AQP9: variants seen among roughly 807,000 people sequenced by gnomAD.
The protein encoded by AQP9 is aquaporin 9, also known as aquaporin-9.
A neutral mutation model predicts 23.8 loss-of-function variants in AQP9; 19 were observed. The observed-to-expected ratio is 0.80, with a 90% CI of 0.56 to 1.17. AQP9 has a LOEUF of 1.17. AQP9 is among the 50% of genes most tolerant of loss of function. AQP9 has a pLI of 0.00. For missense variants in AQP9, 413 were observed against 362.0 expected (o/e 1.14, Z -1.14); for synonymous variants, 153 against 131.5 (o/e 1.16, Z -1.12).
At chr15:58,140,116 G>A (rs565683174) in intron 1 of AQP9, among the ~76,000 whole-genome samples, 1 of 151,942 alleles carries the variant, frequency 6.6e-6, no homozygotes, top group South Asian at 2.1e-4. Flanking sequence ...TCACAGTGAC[G>A]AGTGAGTCAG....
chr15:58,160,317 C>A (rs1416783336), intron 1 of AQP9, among the ~76,000 whole-genome samples: 1 of 151,722 alleles, frequency 6.6e-6, no homozygotes, highest in Non-Finnish European at 1.5e-5. Context: ...CTACTCAGAT[C>A]TTTTGCCCGC....
Position 58,163,564 on chromosome 15 carries a change from A to G in AQP9, c.112-3109A>G, listed in dbSNP as rs535187976. Among the ~76,000 whole-genome samples the G allele has an allele frequency of 1.6e-4, 25 of 152,078 alleles. 1 individual carries two copies. Among genetic ancestry groups the G allele is most frequent in the African/African-American group, 6.0e-4 (25 of 41,570 alleles). ...AGTACAAACGCTACAGTTGAACTTC[A>G]GGGGAGAAATATTAGGTTTGTTGAG... On this transcript the variant is annotated intron_variant, in intron 1 of 5. Transcript: ENST00000219919.
intron 1 of AQP9, chr15:58,152,110 C>T (rs964534066): frequency 1.3e-5 from 2 of 152,164 alleles, no homozygotes; most frequent in African/African-American, 2.4e-5. Context: ...TTCATCTTTA[C>T]TATTCTGCAT....
Position 58,184,506 on chromosome 15 carries a change from C to T in AQP9, c.*371C>T, listed in dbSNP as rs1282550641. 5.9e-6 allele frequency: 1 copy of T among 169,440 alleles called. No homozygotes were observed. The highest frequency in any genetic ancestry group is 2.4e-5 in the African/African-American group (1 of 42,152). 10.5% of individuals were successfully genotyped at this position (169,440 alleles called of 1,614,324 possible). A position where few individuals can be genotyped will look rare whatever the true frequency, so the allele number is the denominator to read the frequency against. On this transcript the variant is annotated 3_prime_UTR_variant, in exon 6 of 6. Coordinates refer to ENST00000219919, the MANE Select transcript of AQP9 (RefSeq NM_020980.5). The stretch of plus-strand genomic sequence containing the variant: ...CTGTATGAAATGGTGTCACCAAAAC[C>T]CTTTTCTTCAGTATCGACAAAGATT...
chr15:58,179,385 C>T (rs369269768), intron 5 of AQP9, 40 bp downstream of exon 5: 13 of 1,556,228 alleles, frequency 8.4e-6, no homozygotes, highest in Non-Finnish European at 1.1e-5. Context: ...CAGAGTCATG[C>T]TGCGCCTCAC....
intron 1 of AQP9, among the ~76,000 whole-genome samples, chr15:58,157,468 G>T (rs1347024037): frequency 6.6e-6 from 1 of 152,206 alleles, no homozygotes; most frequent in Non-Finnish European, 1.5e-5. Context: ...GCAGGTGGGA[G>T]TTGGGGGAAC....
At chr15:58,166,530 C>A in intron 1 of AQP9, 143 bp from the exon 2 acceptor site, 2 of 1,141,698 alleles carry the variant, frequency 1.8e-6, no homozygotes, top group Non-Finnish European at 2.4e-6. Context: ...CTGTGTATAG[C>A]TGAATCATTA....
At chr15:58,148,755 G>C (rs1898094657) in intron 1 of AQP9, among the ~76,000 whole-genome samples, 1 of 152,170 alleles carries the variant, frequency 6.6e-6, no homozygotes, top group East Asian at 1.9e-4. Context: ...GGAGAGCATT[G>C]TTCTTTTCAG....
intron 1 of AQP9, 50 bp downstream of exon 1, chr15:58,138,726 C>G (rs775726200): frequency 6.7e-6 from 10 of 1,503,758 alleles, no homozygotes; most frequent in Admixed American, 1.7e-5. Flanking sequence ...GCCTCCCTAG[C>G]TGCCAGGCTG....
rs1208951219 is a variant in AQP9, at chr15:58,166,665, C to T, written c.112-8C>T. 6.2e-7 allele frequency: 1 copy of T among 1,604,660 alleles called. No homozygotes were observed. The highest frequency in any genetic ancestry group is 1.3e-5 in the African/African-American group (1 of 74,580). ...CCACTTACCTGTTGAGTTTTCCTCTCATTCCAGGTCCTTGGATGTGGCTGT... is the reference window on the plus strand; with the variant it reads ...CCACTTACCTGTTGAGTTTTCCTCTTATTCCAGGTCCTTGGATGTGGCTGT... On this transcript the variant is annotated splice_region_variant and splice_polypyrimidine_tract_variant and intron_variant, in intron 1 of 5. Coordinates refer to ENST00000219919, the MANE Select transcript of AQP9 (RefSeq NM_020980.5).
At chr15:58,172,449 T>A (rs1898645137) in intron 2 of AQP9, among the ~76,000 whole-genome samples, 1 of 152,214 alleles carries the variant, frequency 6.6e-6, no homozygotes, top group Non-Finnish European at 1.5e-5. Flanking sequence ...GAGCTTGGGC[T>A]GGGCTCAGGA....
rs547914365 is a variant in AQP9, at chr15:58,140,877, G to C, written c.111+2201G>C. On this transcript the variant is annotated intron_variant, in intron 1 of 5. Transcript: ENST00000219919. Reference sequence around the variant, plus strand: ...AATCTAACACCATGGTATAAATTACGGGTCCCCAACACATGGGCCACGGAC... The same window carrying C: ...AATCTAACACCATGGTATAAATTACCGGTCCCCAACACATGGGCCACGGAC... Among the ~76,000 whole-genome samples the C allele has an allele frequency of 3.9e-5, 6 of 151,910 alleles. No homozygotes were observed. In the East Asian group the frequency reaches 9.7e-4, roughly 24 times the overall value.
intron 2 of AQP9, among the ~76,000 whole-genome samples, chr15:58,167,068 C>T (rs1898524645): frequency 6.6e-6 from 1 of 152,226 alleles, no homozygotes; most frequent in Non-Finnish European, 1.5e-5. Flanking sequence ...TCTTATTCTC[C>T]ACCAGTCAAC....
chr15:58,173,018 A>G (rs1216509785), intron 2 of AQP9, 50 bp from the exon 3 acceptor site: 2 of 1,610,080 alleles, frequency 1.2e-6, no homozygotes, highest in African/African-American at 1.3e-5. Context: ...GGTTTTCTGT[A>G]TATTCTTCTT....
chr15:58,142,087 G>A (rs999715570), intron 1 of AQP9, among the ~76,000 whole-genome samples: 14 of 152,090 alleles, frequency 9.2e-5, no homozygotes, highest in African/African-American at 2.9e-4. Context: ...CATGCATCCC[G>A]GGAATCAGCC....
intron 4 of AQP9, 73 bp downstream of exon 4, chr15:58,175,109 T>C (rs1156977531): frequency 7.7e-7 from 1 of 1,300,604 alleles, no homozygotes; most frequent in East Asian, 2.3e-5. Flanking sequence ...CATTGGAGAA[T>C]TAGAGACCAA....
At position 58,165,931 on chromosome 15, in the gene AQP9, CA is replaced by C. The variant is rs1308111260; in HGVS notation, c.112-741del. 1.6e-4 allele frequency among the ~76,000 whole-genome samples: 24 copies of C among 152,322 alleles called. 1 individual carries two copies. The highest frequency in any genetic ancestry group is 5.9e-5 in the Non-Finnish European group (4 of 68,014). On this transcript the variant is annotated intron_variant, in intron 1 of 5. Coordinates refer to ENST00000219919, the MANE Select transcript of AQP9 (RefSeq NM_020980.5). ...GCTCCCTAGGAAACTACAGCCCCAT[CA>C]GGGAGAAAATACATGAGAATAAGGG...
rs112998214 is a variant in AQP9, at chr15:58,157,937, A to G, written c.112-8736A>G. 6.4e-3 allele frequency among the ~76,000 whole-genome samples: 977 copies of G among 152,322 alleles called. 15 individuals are homozygous for G. The highest frequency in any genetic ancestry group is 0.023 in the African/African-American group (937 of 41,584). On this transcript the variant is annotated intron_variant, in intron 1 of 5. Coordinates refer to ENST00000219919, the MANE Select transcript of AQP9 (RefSeq NM_020980.5). ...CCCTGAGAAGCTTTGATGACAAGGC[A>G]CAAGTGTTGTATATTTTCTGAACTA...
intron 1 of AQP9, among the ~76,000 whole-genome samples, chr15:58,147,874 A>G (rs2140589585): frequency 6.7e-6 from 1 of 150,042 alleles, no homozygotes; most frequent in Middle Eastern, 3.4e-3. Context: ...AAATACCCTC[A>G]CCTGTATAAA....
Sources: gnomAD v4.1 joint callset for allele counts (sites outside exome capture counted in the v4.1 genomes callset) on GRCh38, gnomAD v4.1.1 for gene constraint, MANE v1.5 for transcripts, NCBI Gene and HGNC (gene_info 2026-07-23, HGNC 2026-07-21) for gene names.